The following ATG5 variants were observed in gnomAD, a reference collection of about 807,000 sequenced individuals.
ATG5 encodes autophagy related 5, also known as autophagy protein 5.
ATG5 carries 14 observed loss-of-function variants against 36.5 expected under a neutral mutation model. That is an observed-to-expected ratio of 0.38 (90% CI 0.25 to 0.60). The LOEUF is 0.60. Among genes scored for constraint, ATG5 ranks in the 20% least tolerant of loss-of-function variants. The pLI, the probability that ATG5 is intolerant of heterozygous loss-of-function variation, is 0.60. For synonymous variants in ATG5, 95 were observed against 101.5 expected (o/e 0.94, Z 0.38); for missense variants, 195 against 326.7 (o/e 0.60, Z 3.11).
chr6:106,230,111 A>C (rs1777617461), intron 6 of ATG5, among the ~76,000 whole-genome samples: 1 of 152,184 alleles, frequency 6.6e-6, no homozygotes, highest in African/African-American at 2.4e-5. Flanking sequence ...TGAGGAAAAA[A>C]CCACAATGGG....
At chr6:106,242,133 C>T (rs952960572) in intron 6 of ATG5, among the ~76,000 whole-genome samples, 1 of 144,300 alleles carries the variant, frequency 6.9e-6, no homozygotes, top group Admixed American at 7.5e-5. Context: ...TCTATACACA[C>T]ATACTCACAC....
chr6:106,226,500 A>T (rs1183022990), intron 6 of ATG5, among the ~76,000 whole-genome samples: 2 of 152,206 alleles, frequency 1.3e-5, no homozygotes, highest in African/African-American at 4.8e-5. Flanking sequence ...CTGGACAAAG[A>T]CTTTAAGAGA....
At chr6:106,233,693 C>T (rs775188634) in intron 6 of ATG5, among the ~76,000 whole-genome samples, 5 of 152,038 alleles carry the variant, frequency 3.3e-5, no homozygotes, top group Admixed American at 6.6e-5. Context: ...ATAACGTGAA[C>T]GGCATACTCA....
chr6:106,303,277 A>G (rs1770288055), intron 3 of ATG5, among the ~76,000 whole-genome samples: 1 of 152,174 alleles, frequency 6.6e-6, no homozygotes, highest in Non-Finnish European at 1.5e-5. Flanking sequence ...ACAAGGAAAT[A>G]CTATAAACAA....
intron 5 of ATG5, among the ~76,000 whole-genome samples, chr6:106,257,087 C>T (rs1203750529): frequency 6.6e-6 from 1 of 152,130 alleles, no homozygotes; most frequent in East Asian, 1.9e-4. Context: ...CAAATACACA[C>T]ATTAGCCTAG....
In ATG5 at chr6:106,207,543, A is replaced by AAAGAAAG. The variant is rs1554213491; in HGVS notation, c.574-5455_574-5454insCTTTCTT. Among the ~76,000 whole-genome samples, 6 of 151,984 alleles carry AAAGAAAG rather than the reference A, an allele frequency of 3.9e-5. No homozygotes were observed. The South Asian group carries it at 1.0e-3, about 26-fold the overall frequency. On this transcript the variant is annotated intron_variant, in intron 6 of 7. Transcript: ENST00000369076. Reference sequence around the variant, plus strand: ...CAGAGAGACCTCATCTCTTAAAAAAAAAAGAAAGAAAGAAAGAAATGAAAT... The same window carrying AAAGAAAG: ...CAGAGAGACCTCATCTCTTAAAAAAAAAGAAAGAAAGAAAGAAAGAAAGAAATGAAAT...
At chr6:106,247,510 C>T (rs139733256) in intron 6 of ATG5, among the ~76,000 whole-genome samples, 1 of 152,258 alleles carries the variant, frequency 6.6e-6, no homozygotes, top group Non-Finnish European at 1.5e-5. Context: ...TTGTGATTTG[C>T]AGTAGTTCTG....
At chr6:106,232,245 A>G (rs1033064496) in intron 6 of ATG5, among the ~76,000 whole-genome samples, 4 of 152,132 alleles carry the variant, frequency 2.6e-5, no homozygotes, top group African/African-American at 9.7e-5. Flanking sequence ...TTCCTGTCCC[A>G]GACAACGGTC....
chr6:106,223,009 A>T (rs1276725851), intron 6 of ATG5, among the ~76,000 whole-genome samples: 1 of 152,264 alleles, frequency 6.6e-6, no homozygotes, highest in Non-Finnish European at 1.5e-5. Context: ...CTAGCTTAGT[A>T]AATAAATTCA....
intron 6 of ATG5, among the ~76,000 whole-genome samples, chr6:106,212,688 C>T (rs1776904012): frequency 3.9e-5 from 6 of 152,166 alleles, no homozygotes; most frequent in Admixed American, 3.9e-4. Flanking sequence ...TTGGCAATTA[C>T]TAGGGCCATC....
intron 5 of ATG5, among the ~76,000 whole-genome samples, chr6:106,272,593 G>A (rs918274597): frequency 6.6e-6 from 1 of 152,100 alleles, no homozygotes; most frequent in Non-Finnish European, 1.5e-5. Flanking sequence ...AGTTATAAAT[G>A]TAACAATTAC....
chr6:106,195,788 G>A (rs550478577), intron 7 of ATG5, among the ~76,000 whole-genome samples: 16 of 139,998 alleles, frequency 1.1e-4, no homozygotes, highest in South Asian at 2.3e-4. Context: ...GTGTGGCTGC[G>A]CTGCCTCACT....
At chr6:106,213,736 G>C (rs1370670660) in intron 6 of ATG5, among the ~76,000 whole-genome samples, 10 of 152,148 alleles carry the variant, frequency 6.6e-5, no homozygotes, top group Non-Finnish European at 1.3e-4. Context: ...TGTGTATCTA[G>C]AGCAAATTAC....
intron 5 of ATG5, among the ~76,000 whole-genome samples, chr6:106,278,508 T>C (rs2114598269): frequency 6.6e-6 from 1 of 152,358 alleles, no homozygotes; most frequent in South Asian, 2.1e-4. Context: ...TCCTTATTTA[T>C]GTCAATAAGT....
In ATG5 at chr6:106,298,482, C is replaced by T. The variant is rs1171215387; in HGVS notation, c.237-5376G>A. On this transcript the variant is annotated intron_variant, in intron 3 of 7. Coordinates refer to ENST00000369076, the MANE Select transcript of ATG5 (RefSeq NM_004849.4). ...GGGAGAATTGCTTGAACCCGGGAGGCGGAGGTTGCAGTGAGCCAAGATAGT... is the reference window on the plus strand; with the variant it reads ...GGGAGAATTGCTTGAACCCGGGAGGTGGAGGTTGCAGTGAGCCAAGATAGT... Among the ~76,000 whole-genome samples, 4 of 151,866 alleles carry T rather than the reference C, an allele frequency of 2.6e-5. No homozygotes were observed. In the East Asian group the frequency reaches 5.8e-4, roughly 22 times the overall value.
intron 3 of ATG5, among the ~76,000 whole-genome samples, chr6:106,304,794 C>G (rs1770374053): frequency 6.6e-6 from 1 of 151,996 alleles, no homozygotes; most frequent in Non-Finnish European, 1.5e-5. Flanking sequence ...AAACCATACT[C>G]CAAAAAAGAT....
chr6:106,225,544 A>C (rs775489604), intron 6 of ATG5, among the ~76,000 whole-genome samples: 5 of 152,158 alleles, frequency 3.3e-5, no homozygotes, highest in African/African-American at 4.8e-5. Flanking sequence ...AAATCCATTT[A>C]TCCAAACTTG....
chr6:106,218,182 G>C (rs1327319940), intron 6 of ATG5, among the ~76,000 whole-genome samples: 1 of 152,108 alleles, frequency 6.6e-6, no homozygotes, highest in Non-Finnish European at 1.5e-5. Flanking sequence ...TATAATCACT[G>C]TACTTATTTT....
At chr6:106,207,990 G>A (rs1776703257) in intron 6 of ATG5, among the ~76,000 whole-genome samples, 1 of 152,176 alleles carries the variant, frequency 6.6e-6, no homozygotes, top group African/African-American at 2.4e-5. Context: ...TACTCGGGAG[G>A]CTGAGGCAGG....
Sources: gnomAD v4.1 joint callset for allele counts (sites outside exome capture counted in the v4.1 genomes callset) on GRCh38, gnomAD v4.1.1 for gene constraint, MANE v1.5 for transcripts, NCBI Gene and HGNC (gene_info 2026-07-23, HGNC 2026-07-21) for gene names.